Variants in ETFA observed in about 807,000 individuals in gnomAD.
ETFA encodes electron transfer flavoprotein subunit alpha, mitochondrial.
Under a neutral mutation model 46.2 loss-of-function variants are expected in ETFA, and 22 were observed. That is an observed-to-expected ratio of 0.48 (90% CI 0.34 to 0.68). The LOEUF (loss-of-function observed/expected upper bound fraction) is 0.68. Among genes scored for constraint, ETFA ranks in the 30% least tolerant of loss-of-function variants. ETFA has a pLI of 0.01. For missense variants in ETFA, 345 were observed against 401.1 expected (o/e 0.86, Z 1.19); for synonymous variants, 131 against 139.9 (o/e 0.94, Z 0.45).
chr15:76,308,685 G>A (rs2039960083), intron 1 of ETFA, among the ~76,000 whole-genome samples: 2 of 152,208 alleles, frequency 1.3e-5, no homozygotes, highest in African/African-American at 2.4e-5. Flanking sequence ...GAGTATCTTA[G>A]ACCAGAATAA....
At chr15:76,269,950 A>G (rs184095036) in intron 9 of ETFA, among the ~76,000 whole-genome samples, 122 of 152,362 alleles carry the variant, frequency 8.0e-4, no homozygotes, top group Non-Finnish European at 1.4e-3. Context: ...TTGAACAGGC[A>G]CTTCATAAGG....
intron 10 of ETFA, among the ~76,000 whole-genome samples, chr15:76,229,548 TCTGAA>T (rs2039043324): frequency 6.6e-6 from 1 of 152,264 alleles, no homozygotes; most frequent in African/African-American, 2.4e-5. Context: ...TCTAGCTATG[TCTGAA>T]CTGGTCTGGC....
At chr15:76,245,619 T>C (rs2039235848) in intron 9 of ETFA, among the ~76,000 whole-genome samples, 1 of 152,258 alleles carries the variant, frequency 6.6e-6, no homozygotes, top group African/African-American at 2.4e-5. Context: ...CTGACTTCTA[T>C]TCACTTAGTC....
chr15:76,283,842 A>G lies in ETFA; in HGVS notation c.665-17T>C, dbSNP rs1253129989. 1 of 1,180,566 alleles carries G rather than the reference A, an allele frequency of 8.5e-7. No homozygotes were observed. The highest frequency in any genetic ancestry group is 1.2e-6 in the Non-Finnish European group (1 of 857,314). The allele number at this position is 1,180,566 out of a possible 1,614,324, so 73.1% of individuals were successfully genotyped here. On this transcript the variant is annotated splice_polypyrimidine_tract_variant and intron_variant, in intron 7 of 11. Coordinates refer to ENST00000557943, the MANE Select transcript of ETFA (RefSeq NM_000126.4). ...AGCCTCGACCTCATTTAAAAAGATG[A>G]AAAAAAAAAATTAGGCAAACATCAA... is the stretch of plus-strand genomic sequence containing the variant.
Position 76,295,936 on chromosome 15 carries a change from C to CTTTTTTTTTTTTTTTTTT in ETFA, c.40-217_40-200dup, listed in dbSNP as rs1157687784. On this transcript the variant is annotated intron_variant, in intron 1 of 11. Transcript: ENST00000557943. ...TGTCTATCACTGTACCACTAATATT[C>CTTTTTTTTTTTTTTTTTT]TTTTTTTTTTTTTTTTTTTTTTTGA... is the stretch of plus-strand genomic sequence containing the variant. Among the ~76,000 whole-genome samples the CTTTTTTTTTTTTTTTTTT allele has an allele frequency of 3.3e-3, 153 of 46,602 alleles. 48 individuals carry two copies. The highest frequency in any genetic ancestry group is 5.1e-3 in the Non-Finnish European group (119 of 23,546). The allele number at this position is 46,602 out of a possible 152,430, so 30.6% of individuals were successfully genotyped here. A position where few individuals can be genotyped will look rare whatever the true frequency, so the allele number is the denominator to read the frequency against.
At chr15:76,287,707 T>C in intron 5 of ETFA, 139 bp downstream of exon 5, 1 of 653,294 alleles carries the variant, frequency 1.5e-6, no homozygotes, top group Non-Finnish European at 2.7e-6. Flanking sequence ...AATTCTAGAC[T>C]AAAATTTTCC....
At chr15:76,307,219 C>T (rs2039947548) in intron 1 of ETFA, among the ~76,000 whole-genome samples, 1 of 152,188 alleles carries the variant, frequency 6.6e-6, no homozygotes. Flanking sequence ...GGATTAATAT[C>T]CCTGCAAGAA....
At chr15:76,217,351 C>T (rs1429507749) in intron 11 of ETFA, among the ~76,000 whole-genome samples, 3 of 152,188 alleles carry the variant, frequency 2.0e-5, no homozygotes, top group South Asian at 2.1e-4. Flanking sequence ...TCTCACTGTT[C>T]GTTCATTCAT....
At chr15:76,305,281 AGG>A (rs2039929062) in intron 1 of ETFA, among the ~76,000 whole-genome samples, 1 of 152,218 alleles carries the variant, frequency 6.6e-6, no homozygotes, top group African/African-American at 2.4e-5. Context: ...GGCAGGGACT[AGG>A]TCTGTCTTGT....
chr15:76,228,364 T>C (rs2039026969), intron 10 of ETFA: 2 of 202,628 alleles, frequency 9.9e-6, no homozygotes, highest in Admixed American at 1.1e-4. Context: ...CTTTCATTTT[T>C]TGGAGAGATG....
intron 9 of ETFA, among the ~76,000 whole-genome samples, chr15:76,249,703 AGTGCTGGGATTACAG>A (rs2039279632): frequency 6.6e-6 from 1 of 152,074 alleles, no homozygotes; most frequent in Non-Finnish European, 1.5e-5. Context: ...GGCCTCCCAA[AGTGCTGGGATTACAG>A]GTGTGAGCCA....
chr15:76,229,604 CTTTT>C (rs1011513178), intron 10 of ETFA, among the ~76,000 whole-genome samples: 13 of 152,114 alleles, frequency 8.5e-5, no homozygotes, highest in Non-Finnish European at 1.5e-4. Context: ...GAGTTTCTTT[CTTTT>C]ATTTATTTAT....
rs979592630 is a variant in ETFA, at chr15:76,258,956, C to T, written c.816+15456G>A. Reference sequence around the variant, plus strand: ...CAGCACAGTGGCCATCAGAGCCAGCCAAATTGCCCTGATGCCCTCTGCCTG... The same window carrying T: ...CAGCACAGTGGCCATCAGAGCCAGCTAAATTGCCCTGATGCCCTCTGCCTG... On this transcript the variant is annotated intron_variant, in intron 9 of 11. Transcript: ENST00000557943. 2.6e-6 allele frequency: 4 copies of T among 1,516,864 alleles called. No individual in the cohort carries two copies. In the African/African-American group the frequency reaches 5.5e-5, roughly 21 times the overall value. 94.0% of individuals were successfully genotyped at this position (1,516,864 alleles called of 1,614,324 possible).
intron 11 of ETFA, chr15:76,217,602 G>A (rs1301957498): frequency 6.6e-6 from 3 of 455,732 alleles, no homozygotes; most frequent in Non-Finnish European, 1.3e-5. Flanking sequence ...TCGTGGCAGT[G>A]CAGTGGCTGC....
At chr15:76,301,583 C>T (rs951421218) in intron 1 of ETFA, among the ~76,000 whole-genome samples, 1 of 152,096 alleles carries the variant, frequency 6.6e-6, no homozygotes, top group African/African-American at 2.4e-5. Flanking sequence ...TGGTGGCACA[C>T]GCCATAGTCC....
At chr15:76,268,236 A>C (rs113920912) in intron 9 of ETFA, among the ~76,000 whole-genome samples, 69 of 148,660 alleles carry the variant, frequency 4.6e-4, no homozygotes, top group African/African-American at 1.6e-3. Flanking sequence ...TAGATTTACT[A>C]ATGTAGGGGT....
At chr15:76,263,796 C>A (rs1284755573) in intron 9 of ETFA, among the ~76,000 whole-genome samples, 1 of 152,266 alleles carries the variant, frequency 6.6e-6, no homozygotes, top group African/African-American at 2.4e-5. Context: ...GTGTAAAAAA[C>A]TAACTTCAGA....
chr15:76,295,594 G>T lies in ETFA; in HGVS notation c.183C>A (p.Asp61Glu). ...VSCLVAGTKCDKVAQDLCKVA... is the reference protein window; with the variant it reads ...VSCLVAGTKCEKVAQDLCKVA... ...GCTGACCTTAAAAATTTCTCACCTT[G>T]TCACATTTGGTTCCAGCTACTAAGC... The change falls in exon 2 of 12, where the codon GAC becomes GAA. Residue 61 changes from aspartate to glutamate, a missense_variant. Coordinates refer to ENST00000557943, the MANE Select transcript of ETFA (RefSeq NM_000126.4). 2 of 1,613,272 alleles carry T rather than the reference G, an allele frequency of 1.2e-6. No homozygotes were observed. Among genetic ancestry groups the T allele is most frequent in the South Asian group, 1.1e-5 (1 of 91,060 alleles).
intron 8 of ETFA, 90 bp from the exon 9 acceptor site, chr15:76,274,584 T>C: frequency 1.9e-6 from 2 of 1,042,996 alleles, no homozygotes; most frequent in Middle Eastern, 2.0e-4. Flanking sequence ...AAGACATTGA[T>C]TTAGAATTCT....
Sources: allele counts gnomAD v4.1 joint callset (sites outside exome capture counted in the v4.1 genomes callset), GRCh38; gene constraint gnomAD v4.1.1; transcripts MANE v1.5; gene names NCBI Gene and HGNC (gene_info 2026-07-23, HGNC 2026-07-21).